The following FBXL14 variants were observed in gnomAD, a reference collection of about 807,000 sequenced individuals.
FBXL14 encodes F-box and leucine rich repeat protein 14.
A neutral mutation model predicts 24.5 loss-of-function variants in FBXL14; 11 were observed. The ratio of observed to expected loss-of-function variants is 0.45; its 90% CI spans 0.28 to 0.74. FBXL14 has a LOEUF of 0.74. Among genes scored for constraint, FBXL14 ranks in the 30% least tolerant of loss-of-function variants. The pLI is 0.12. For missense variants in FBXL14, 384 were observed against 545.6 expected, an observed-to-expected ratio of 0.70 and a Z score of 2.95; for synonymous variants, 294 against 240.4, an observed-to-expected ratio of 1.22 and a Z score of -2.06.
At position 1,593,481 on chromosome 12, in the gene FBXL14, T is replaced by C; in HGVS notation, c.586A>G (p.Ser196Gly). ...AGGCCCAGGCAGCCCTCCGCCGCGC[T>C]GCGCGTCATGCCGGCCAGGTGCCCG... Reference protein sequence around the residue: ...GIGHLAGMTRSAAEGCLGLEQ... With the variant: ...GIGHLAGMTRGAAEGCLGLEQ... The change falls in exon 1 of 2, where the codon AGC becomes GGC. Residue 196 changes from serine to glycine, a missense_variant. By Grantham distance (56) the Ser-to-Gly change is moderately conservative (BLOSUM62 0). Transcript: ENST00000339235. This position sits in a 1 kb window ranked among gnomAD's most constrained non-coding sequence, Gnocchi z 7.4. 6.2e-7 allele frequency: 1 copy of C among 1,613,734 alleles called. No individual in the cohort carries two copies. The highest frequency in any genetic ancestry group is 8.5e-7 in the Non-Finnish European group (1 of 1,179,966).
intron 1 of FBXL14, among the ~76,000 whole-genome samples, chr12:1,572,837 G>A (rs4766391): frequency 0.16 from 20,258 of 125,480 alleles, 1,514 homozygotes; most frequent in African/African-American, 0.21. Context: ...GACTGACTTA[G>A]GGCAGTGGCG....
intron 1 of FBXL14, among the ~76,000 whole-genome samples, chr12:1,585,235 A>C (rs1327983682): frequency 6.6e-6 from 1 of 152,146 alleles, no homozygotes; most frequent in African/African-American, 2.4e-5. Flanking sequence ...CGTCTCTACT[A>C]AAAATACAAA....
At position 1,593,805 on chromosome 12, in the gene FBXL14, C is replaced by T. The variant is rs144961632; in HGVS notation, c.262G>A (p.Gly88Ser). ...LRRSLSYVIQ[G>S]MANIESLNLS... ...TTGAGGCTCTCGATGTTGGCCATGC[C>T]CTGGATCACGTAGCTGAGGCTGCGG... Residue 88 changes from glycine to serine, a missense_variant, in exon 1 of 2, where the codon GGC becomes AGC. Physicochemically the swap from Gly to Ser is moderately conservative, Grantham distance 56 (BLOSUM62 0). Transcript: ENST00000339235. This position sits in a 1 kb window ranked among gnomAD's most constrained non-coding sequence, Gnocchi z 7.4. 1.9e-6 allele frequency: 3 copies of T among 1,614,044 alleles called. No individual in the cohort carries two copies. Among genetic ancestry groups the T allele is most frequent in the East Asian group, 2.2e-5 (1 of 44,886 alleles).
rs570181168 is a variant in FBXL14 at position 1,569,893 on chromosome 12, A to G, written c.1195-3083T>C. Among the ~76,000 whole-genome samples the G allele has an allele frequency of 1.7e-4, 26 of 152,324 alleles. No individual in the cohort carries two copies. Among genetic ancestry groups the G allele is most frequent in the African/African-American group, 6.0e-4 (25 of 41,572 alleles). On this transcript the variant is annotated intron_variant, in intron 1 of 1. Coordinates refer to ENST00000339235, the MANE Select transcript of FBXL14 (RefSeq NM_152441.3). This position sits in a 1 kb window ranked among gnomAD's most constrained non-coding sequence, Gnocchi z 4.2. ...GAGCCAAGGGAGGGCAGGGCGCACC[A>G]CATGCCCACTGCAGAGCCAGCATCC...
chr12:1,587,398 C>G (rs777249639), intron 1 of FBXL14: 46 of 152,208 alleles, frequency 3.0e-4, no homozygotes, highest in Admixed American at 7.8e-4. Context: ...GGGGGTTTAA[C>G]ATACCCCACT....
chr12:1,584,209 G>T (rs993023013), intron 1 of FBXL14, among the ~76,000 whole-genome samples: 1 of 152,090 alleles, frequency 6.6e-6, no homozygotes, highest in African/African-American at 2.4e-5. Context: ...AGTAATAATG[G>T]GCATGGTGGC....
At chr12:1,585,743 G>C (rs1016573959) in intron 1 of FBXL14, among the ~76,000 whole-genome samples, 1 of 152,188 alleles carries the variant, frequency 6.6e-6, no homozygotes, top group Non-Finnish European at 1.5e-5. Context: ...TAACAAATTA[G>C]ACCCTTTTAC....
At chr12:1,585,916 G>C (rs1359547214) in intron 1 of FBXL14, among the ~76,000 whole-genome samples, 1 of 152,220 alleles carries the variant, frequency 6.6e-6, no homozygotes, top group African/African-American at 2.4e-5. Context: ...TGAGTTCCTA[G>C]CTTTGAAGCT....
chr12:1,571,857 C>T (rs981694055), intron 1 of FBXL14, among the ~76,000 whole-genome samples: 1 of 152,194 alleles, frequency 6.6e-6, no homozygotes, highest in African/African-American at 2.4e-5. Flanking sequence ...CTCCTTGTTC[C>T]TCAAATATTG....
At chr12:1,580,192 A>G (rs1292452532) in intron 1 of FBXL14, among the ~76,000 whole-genome samples, 2 of 152,212 alleles carry the variant, frequency 1.3e-5, no homozygotes, top group Non-Finnish European at 2.9e-5. Flanking sequence ...TTGCCCTCCA[A>G]AGCCTGGGAT....
chr12:1,593,981 G>A lies in FBXL14; in HGVS notation c.86C>T (p.Ala29Val). The A allele has an allele frequency of 6.3e-7, 1 of 1,585,912 alleles. No individual in the cohort carries two copies. The highest frequency in any genetic ancestry group is 1.1e-5 in the South Asian group (1 of 89,368). ...YLDVRDKGRA[A>V]QVCTAWRDAA... is the part of the protein sequence containing the mutation. The stretch of plus-strand genomic sequence containing the variant: ...GTCCCGCCAGGCGGTGCACACCTGC[G>A]CCGCGCGCCCCTTGTCCCGGACGTC... Residue 29 changes from alanine (A) to valine (V), a missense_variant, in exon 1 of 2, where the codon GCG (alanine) becomes GTG (valine). Coordinates refer to ENST00000339235, the MANE Select transcript of FBXL14 (RefSeq NM_152441.3). This position sits in a 1 kb window ranked among gnomAD's most constrained non-coding sequence, Gnocchi z 7.4.
chr12:1,570,833 T>TC (rs2094444246), intron 1 of FBXL14, among the ~76,000 whole-genome samples: 1 of 152,110 alleles, frequency 6.6e-6, no homozygotes, highest in Non-Finnish European at 1.5e-5. Flanking sequence ...TTGATCTTTT[T>TC]CCCTTTGGTG....
intron 1 of FBXL14, among the ~76,000 whole-genome samples, chr12:1,572,630 C>A (rs139609580): frequency 4.4e-5 from 1 of 22,558 alleles, no homozygotes. Context: ...GTCGGGGAAG[C>A]GGGGGGGCAG....
At chr12:1,576,516 G>C (rs1052398036) in intron 1 of FBXL14, among the ~76,000 whole-genome samples, 1 of 152,290 alleles carries the variant, frequency 6.6e-6, no homozygotes, top group Middle Eastern at 3.4e-3. Flanking sequence ...CTCAGTTCCC[G>C]CTCCTTATCT....
intron 1 of FBXL14, among the ~76,000 whole-genome samples, chr12:1,581,290 G>A (rs1264446021): frequency 6.6e-6 from 1 of 152,202 alleles, no homozygotes; most frequent in Non-Finnish European, 1.5e-5. Flanking sequence ...CTGTCAGCCT[G>A]CAAATCAGTG....
Position 1,593,782 on chromosome 12 carries a change from G to A in FBXL14, c.285C>T (p.Leu95=), listed in dbSNP as rs144026355. The change falls in exon 1 of 2, where the codon CTC becomes CTT. Residue 95 remains leucine, a synonymous_variant. Transcript: ENST00000339235. The surrounding 1 kb of genome is among the most constrained non-coding windows in gnomAD (Gnocchi z 7.4). ...TGAGGTTGTAGCAGCCGCTGAGGTT[G>A]AGGCTCTCGATGTTGGCCATGCCCT... ...VIQGMANIES[L]NLSGCYNLTD... is the part of the protein sequence containing the mutation. 2.1e-4 allele frequency: 343 copies of A among 1,614,088 alleles called. No individual in the cohort carries two copies. Among genetic ancestry groups the A allele is most frequent in the Non-Finnish European group, 2.7e-4 (323 of 1,180,038 alleles).
At chr12:1,570,615 C>G (rs2094443806) in intron 1 of FBXL14, among the ~76,000 whole-genome samples, 1 of 152,074 alleles carries the variant, frequency 6.6e-6, no homozygotes, top group African/African-American at 2.4e-5. Context: ...AGTAGAATGT[C>G]TAGCATTTTG....
rs760411034 is a variant in FBXL14, at chr12:1,567,678, C to A, written c.1195-868G>T. 4.2e-4 allele frequency among the ~76,000 whole-genome samples: 64 copies of A among 152,000 alleles called. No individual in the cohort carries two copies. The highest frequency in any genetic ancestry group is 2.1e-4 in the South Asian group (1 of 4,816). ...TAGGCAGCATGCAGGAACAGGTGCGCAATGAAAGCAGGGAGATGGGAATCT... is the reference window on the plus strand; with the variant it reads ...TAGGCAGCATGCAGGAACAGGTGCGAAATGAAAGCAGGGAGATGGGAATCT... On this transcript the variant is annotated intron_variant, in intron 1 of 1. Coordinates refer to ENST00000339235, the MANE Select transcript of FBXL14 (RefSeq NM_152441.3). The surrounding 1 kb of genome is among the most constrained non-coding windows in gnomAD (Gnocchi z 4.8).
At chr12:1,570,573 G>A (rs557970910) in intron 1 of FBXL14, among the ~76,000 whole-genome samples, 3 of 152,288 alleles carry the variant, frequency 2.0e-5, no homozygotes, top group African/African-American at 7.2e-5. Flanking sequence ...ACGCCGTGGG[G>A]TTCCCTGTAG....
Sources: gnomAD v4.1 joint callset for allele counts (sites outside exome capture counted in the v4.1 genomes callset) on GRCh38, gnomAD v4.1.1 for gene constraint, Gnocchi (gnomAD v3.1) non-coding constraint, MANE v1.5 for transcripts, NCBI Gene and HGNC (gene_info 2026-07-23, HGNC 2026-07-21) for gene names.